MYRFL: variants seen among roughly 807,000 people sequenced by gnomAD.
MYRFL encodes the protein myelin regulatory factor-like protein.
A neutral mutation model predicts 109.4 loss-of-function variants in MYRFL; 88 were observed. The ratio of observed to expected loss-of-function variants is 0.80; its 90% CI spans 0.68 to 0.96. MYRFL has a LOEUF of 0.96. Ranked by LOEUF, MYRFL falls within the 40% of genes least tolerant of loss-of-function variation. MYRFL has a pLI of 0.00. For missense variants in MYRFL, 957 were observed against 954.9 expected, an observed-to-expected ratio of 1.00 and a Z score of -0.03; for synonymous variants, 324 against 320.9, an observed-to-expected ratio of 1.01 and a Z score of -0.10.
In MYRFL at chr12:69,866,678, A is replaced by T. The variant is rs147474269; in HGVS notation, c.137+11308A>T. On this transcript the variant is annotated intron_variant, in intron 2 of 24. Coordinates refer to ENST00000552032, the MANE Select transcript of MYRFL (RefSeq NM_182530.3). The stretch of plus-strand genomic sequence containing the variant: ...TGTCAACCCTTTATCTCAAAAACCT[A>T]AGAGACCACTGGGCTGCAAAATTTC... 2.7e-3 allele frequency among the ~76,000 whole-genome samples: 415 copies of T among 152,316 alleles called. 2 individuals carry two copies. Among genetic ancestry groups the T allele is most frequent in the African/African-American group, 9.6e-3 (400 of 41,548 alleles).
chr12:69,916,972 C>G (rs961120257), intron 13 of MYRFL, among the ~76,000 whole-genome samples: 4 of 152,066 alleles, frequency 2.6e-5, no homozygotes, highest in Non-Finnish European at 5.9e-5. Context: ...TGCTGCCTAG[C>G]TTTCATCTCT....
At chr12:69,904,000 G>A in intron 11 of MYRFL, 156 bp downstream of exon 11, 1 of 627,870 alleles carries the variant, frequency 1.6e-6, no homozygotes, top group Admixed American at 3.3e-5. Flanking sequence ...CTGAGCTGCT[G>A]GGCATCTCTG....
intron 19 of MYRFL, among the ~76,000 whole-genome samples, chr12:69,943,865 T>C (rs1334850498): frequency 1.3e-5 from 2 of 151,982 alleles, no homozygotes; most frequent in Non-Finnish European, 2.9e-5. Flanking sequence ...CATCAAAAAG[T>C]GGATGAAGGA....
At chr12:69,940,921 T>A (rs1362216856) in intron 19 of MYRFL, among the ~76,000 whole-genome samples, 1 of 87,554 alleles carries the variant, frequency 1.1e-5, no homozygotes, top group African/African-American at 4.5e-5. Context: ...CCAACAAAGA[T>A]CAAAAGAGAC....
chr12:69,939,905 T>G (rs1955589934), intron 19 of MYRFL, among the ~76,000 whole-genome samples: 1 of 152,044 alleles, frequency 6.6e-6, no homozygotes, highest in African/African-American at 2.4e-5. Context: ...TGCAGAAGCC[T>G]CAGGAGCCGA....
At chr12:69,956,121 G>T (rs1956088670) in intron 22 of MYRFL, among the ~76,000 whole-genome samples, 1 of 151,342 alleles carries the variant, frequency 6.6e-6, no homozygotes, top group Admixed American at 6.6e-5. Flanking sequence ...ACCCTCCCAG[G>T]TTGGTTTTTT....
At chr12:69,865,393 G>A (rs1884957224) in intron 2 of MYRFL, among the ~76,000 whole-genome samples, 1 of 152,152 alleles carries the variant, frequency 6.6e-6, no homozygotes, top group Non-Finnish European at 1.5e-5. Context: ...GTATGAGGTA[G>A]GGTCTCTTTG....
intron 19 of MYRFL, among the ~76,000 whole-genome samples, chr12:69,940,450 C>T (rs866808519): frequency 2.7e-5 from 4 of 147,392 alleles, no homozygotes; most frequent in South Asian, 2.2e-4. Flanking sequence ...TCCAGCCAAA[C>T]TAAGCTTCAT....
At chr12:69,950,585 A>G (rs1425965312) in intron 19 of MYRFL, among the ~76,000 whole-genome samples, 2 of 152,190 alleles carry the variant, frequency 1.3e-5, no homozygotes, top group African/African-American at 2.4e-5. Context: ...TTGAGCAGAG[A>G]AGTTGACTTT....
At chr12:69,953,555 G>A (rs576997599) in intron 21 of MYRFL, among the ~76,000 whole-genome samples, 4 of 152,168 alleles carry the variant, frequency 2.6e-5, no homozygotes, top group African/African-American at 7.2e-5. Context: ...TGCTTGAGCC[G>A]AGTTAAAGGT....
chr12:69,926,144 G>A (rs1293457994), intron 13 of MYRFL, among the ~76,000 whole-genome samples: 1 of 74,422 alleles, frequency 1.3e-5, no homozygotes, highest in African/African-American at 6.6e-5. Flanking sequence ...TTTTTTTTGA[G>A]ATGGAGTTTT....
chr12:69,892,696 A>G (rs1472877745), intron 7 of MYRFL, among the ~76,000 whole-genome samples: 1 of 152,254 alleles, frequency 6.6e-6, no homozygotes, highest in Non-Finnish European at 1.5e-5. Flanking sequence ...ACCAAAATAC[A>G]TATAAACATC....
intron 10 of MYRFL, among the ~76,000 whole-genome samples, chr12:69,898,211 G>A (rs1022297921): frequency 6.6e-6 from 1 of 152,202 alleles, no homozygotes; most frequent in Admixed American, 6.5e-5. Context: ...CCTTGCCCGT[G>A]TTGAACTGTT....
At chr12:69,921,068 C>T (rs947043308) in intron 13 of MYRFL, among the ~76,000 whole-genome samples, 6 of 151,956 alleles carry the variant, frequency 3.9e-5, no homozygotes, top group Non-Finnish European at 8.8e-5. Flanking sequence ...GGTAGTGGAC[C>T]CCATTTAAAA....
chr12:69,942,692 T>G (rs1321452326), intron 19 of MYRFL, among the ~76,000 whole-genome samples: 1 of 151,834 alleles, frequency 6.6e-6, no homozygotes, highest in African/African-American at 2.4e-5. Flanking sequence ...CCAGGGCAAT[T>G]AGGCAGGAGA....
intron 2 of MYRFL, among the ~76,000 whole-genome samples, chr12:69,866,045 G>A (rs189878665): frequency 6.8e-4 from 104 of 152,176 alleles, no homozygotes; most frequent in Non-Finnish European, 1.3e-3. Flanking sequence ...ACTCTTCATA[G>A]GTCAATACGT....
At chr12:69,897,062 G>A in intron 9 of MYRFL, 94 bp from the exon 10 acceptor site, 2 of 841,330 alleles carry the variant, frequency 2.4e-6, no homozygotes, top group South Asian at 1.4e-5. Flanking sequence ...TTCTCGATAA[G>A]TTCACTATTG....
chr12:69,911,629 G>A (rs1382884318), intron 13 of MYRFL, among the ~76,000 whole-genome samples: 1 of 152,084 alleles, frequency 6.6e-6, no homozygotes, highest in Non-Finnish European at 1.5e-5. Context: ...CTTGCTTGTC[G>A]ATGCTGTGTG....
At chr12:69,920,581 C>A (rs960197637) in intron 13 of MYRFL, among the ~76,000 whole-genome samples, 1 of 152,120 alleles carries the variant, frequency 6.6e-6, no homozygotes, top group Non-Finnish European at 1.5e-5. Flanking sequence ...AGCCCACTCT[C>A]TAGGTAAATC....
Sources: gnomAD v4.1 joint callset for allele counts (sites outside exome capture counted in the v4.1 genomes callset) on GRCh38, gnomAD v4.1.1 for gene constraint, MANE v1.5 for transcripts, NCBI Gene and HGNC (gene_info 2026-07-23, HGNC 2026-07-21) for gene names.